Variants in NAPSA observed in about 807,000 individuals in gnomAD.
NAPSA encodes the protein napsin-A.
NAPSA carries 37 observed loss-of-function variants against 36.7 expected under a neutral mutation model. The ratio of observed to expected loss-of-function variants is 1.01; its 90% CI spans 0.78 to 1.33. The LOEUF is 1.33. Ranked by LOEUF, NAPSA falls within the 40% of genes most tolerant of loss-of-function variation. The pLI is 0.00. For missense variants in NAPSA, 532 were observed against 543.8 expected (o/e 0.98, Z 0.21); for synonymous variants, 222 against 234.5 (o/e 0.95, Z 0.49).
At chr19:50,360,226 A>G (rs2037454457) in intron 5 of NAPSA, among the ~76,000 whole-genome samples, 1 of 152,126 alleles carries the variant, frequency 6.6e-6, no homozygotes, top group Admixed American at 6.6e-5. Context: ...GAGTAGGAGA[A>G]GAGAATTTCT....
chr19:50,362,416 A>G (rs1311493074), intron 1 of NAPSA, 103 bp from the exon 2 acceptor site: 8 of 1,082,134 alleles, frequency 7.4e-6, no homozygotes, highest in Non-Finnish European at 1.0e-5. Flanking sequence ...TCTCCAAGGC[A>G]CTACAATAGT....
intron 3 of NAPSA, 91 bp downstream of exon 3, chr19:50,361,878 C>T: frequency 6.2e-7 from 1 of 1,601,710 alleles, no homozygotes; most frequent in Non-Finnish European, 8.5e-7. Context: ...GATAAAAGAA[C>T]AGTTCCTCAA....
Position 50,358,698 on chromosome 19 carries a change from A to C in NAPSA, c.1118T>G (p.Leu373Arg). The change falls in exon 9 of 9, where the codon CTC (leucine) becomes CGC (arginine). Residue 373 changes from leucine to arginine, a missense_variant. Around this residue, in one of 3 missense-constraint regions of NAPSA, gnomAD observed 385 missense variants for 371.5 expected, o/e 1.04. Coordinates refer to ENST00000253719, the MANE Select transcript of NAPSA (RefSeq NM_004851.3). ...ATACGTCCCCAAGAAGACGTCACCG[A>C]GGATCCAGAAGGGCCCTGCAGGCGG... Reference protein sequence around the residue: ...VPPPAGPFWILGDVFLGTYVA... With the variant: ...VPPPAGPFWIRGDVFLGTYVA... The C allele has an allele frequency of 1.2e-6, 2 of 1,613,474 alleles. No homozygotes were observed. The highest frequency in any genetic ancestry group is 8.5e-7 in the Non-Finnish European group (1 of 1,179,978).
upstream of NAPSA, among the ~76,000 whole-genome samples, chr19:50,367,644 C>T (rs2037566596): frequency 6.6e-6 from 1 of 152,010 alleles, no homozygotes; most frequent in African/African-American, 2.4e-5. Context: ...ACAAACACCC[C>T]ATGCCTACTA....
intron 8 of NAPSA, 65 bp downstream of exon 8, chr19:50,358,946 T>G: frequency 2.1e-6 from 3 of 1,456,068 alleles, no homozygotes; most frequent in Non-Finnish European, 1.9e-6. Context: ...TAGTGACGTC[T>G]CTCAGCTCTA....
upstream of NAPSA, chr19:50,365,698 C>T: frequency 8.0e-7 from 1 of 1,249,286 alleles, no homozygotes; most frequent in South Asian, 1.3e-5. Context: ...CTGTTCATGC[C>T]CCACCTCCAG....
At chr19:50,365,004 T>C (rs937852769) in intron 1 of NAPSA, among the ~76,000 whole-genome samples, 4 of 109,908 alleles carry the variant, frequency 3.6e-5, no homozygotes, top group Non-Finnish European at 7.1e-5. Flanking sequence ...ATAATAATAA[T>C]AATAATAAAT....
Position 50,358,561 on chromosome 19 carries a change from G to T in NAPSA, c.1255C>A (p.Pro419Thr), listed in dbSNP as rs775216686. The change falls in exon 9 of 9, where the codon CCC becomes ACC. Residue 419 changes from proline to threonine, a missense_variant. Physicochemically the swap from Pro to Thr is conservative, Grantham distance 38. Transcript: ENST00000253719. ...TGCGCTTCACTTGGGCGTCACCCGG[G>T]GAACTGCGCCTGCGCAGTCTCTCCC... is the stretch of plus-strand genomic sequence containing the variant. ...GWGETAQAQFPG is the reference protein window; with the variant it reads ...GWGETAQAQFTG The T allele has an allele frequency of 3.1e-6, 5 of 1,594,920 alleles. No individual in the cohort carries two copies. The African/African-American group carries it at 6.7e-5, about 21-fold the overall frequency.
intron 1 of NAPSA, among the ~76,000 whole-genome samples, chr19:50,363,287 G>C (rs2037501168): frequency 6.6e-6 from 1 of 152,182 alleles, no homozygotes; most frequent in Non-Finnish European, 1.5e-5. Context: ...CAAGAGAGGA[G>C]AAAAAGAGAG....
Position 50,360,552 on chromosome 19 carries a change from C to G in NAPSA, c.668+389G>C, listed in dbSNP as rs74512486. On this transcript the variant is annotated intron_variant, in intron 5 of 8. Coordinates refer to ENST00000253719, the MANE Select transcript of NAPSA (RefSeq NM_004851.3). ...CTGGATTAAATCGGGCAATTCCTGA[C>G]TTCTGGTCAGTGTTCTCAAATGGGA... is the stretch of plus-strand genomic sequence containing the variant. Among the ~76,000 whole-genome samples the G allele has an allele frequency of 4.5e-3, 690 of 152,266 alleles. 5 individuals are homozygous for G. The highest frequency in any genetic ancestry group is 0.014 in the African/African-American group (564 of 41,540).
intron 7 of NAPSA, 31 bp downstream of exon 7, chr19:50,359,472 C>T: frequency 6.2e-7 from 1 of 1,613,282 alleles, no homozygotes; most frequent in Non-Finnish European, 8.5e-7. Context: ...ATCAGCCTTC[C>T]CAGCCCGTAC....
chr19:50,365,117 C>T (rs1215162673), intron 1 of NAPSA, among the ~76,000 whole-genome samples: 8 of 151,672 alleles, frequency 5.3e-5, no homozygotes, highest in South Asian at 2.1e-4. Flanking sequence ...GAGCGGATCA[C>T]GAGGTCAGGG....
upstream of NAPSA, chr19:50,365,951 T>C (rs2037544653): frequency 4.5e-6 from 1 of 222,876 alleles, no homozygotes; most frequent in Admixed American, 5.6e-5. Context: ...ATAACTTTTC[T>C]GAGACTTATT....
chr19:50,361,612 A>T, intron 4 of NAPSA, 51 bp downstream of exon 4: 1 of 1,477,420 alleles, frequency 6.8e-7, no homozygotes, highest in South Asian at 1.1e-5. Context: ...ATGATCTTAG[A>T]CAATGGGGTT....
At chr19:50,367,776 T>C (rs1301417032), upstream of NAPSA, among the ~76,000 whole-genome samples, 4 of 152,150 alleles carry the variant, frequency 2.6e-5, no homozygotes, top group Non-Finnish European at 4.4e-5. Flanking sequence ...GCAGCCATGC[T>C]TGCATCCTTC....
chr19:50,362,360 C>T (rs201659069), intron 1 of NAPSA, 47 bp from the exon 2 acceptor site: 2 of 1,542,702 alleles, frequency 1.3e-6, no homozygotes, highest in African/African-American at 1.4e-5. Context: ...TCTTGGAGAA[C>T]CTCTAAATAG....
Position 50,358,647 on chromosome 19 carries a change from A to T in NAPSA, c.1169T>A (p.Met390Lys). 2 of 1,613,056 alleles carry T rather than the reference A, an allele frequency of 1.2e-6. No individual in the cohort carries two copies. The highest frequency in any genetic ancestry group is 1.7e-6 in the Non-Finnish European group (2 of 1,179,898). ...TYVAVFDRGD[M>K]KSSARVGLAR... ...CAGGCCCACCCGGGCGCTGCTCTTCATGTCCCCGCGGTCGAAGACGGCCAC... is the reference window on the plus strand; with the variant it reads ...CAGGCCCACCCGGGCGCTGCTCTTCTTGTCCCCGCGGTCGAAGACGGCCAC... Residue 390 changes from methionine (M) to lysine (K), a missense_variant, in exon 9 of 9, where the codon ATG becomes AAG. By Grantham distance (95) the Met-to-Lys change is moderately conservative (BLOSUM62 -1). This residue lies in a region of NAPSA where 385 missense variants were observed against 371.5 expected (regional missense o/e 1.04). Transcript: ENST00000253719.
chr19:50,366,175 GT>G (rs996632751), upstream of NAPSA, among the ~76,000 whole-genome samples: 2 of 150,250 alleles, frequency 1.3e-5, no homozygotes, highest in African/African-American at 2.4e-5. Flanking sequence ...GTTTGTTTTT[GT>G]TTTTGTTTTT....
In NAPSA at chr19:50,358,531, G is replaced by A. The variant is rs1257571457; in HGVS notation, c.*22C>T. The A allele has an allele frequency of 4.5e-6, 7 of 1,553,644 alleles. No individual in the cohort carries two copies. Among genetic ancestry groups the A allele is most frequent in the Non-Finnish European group, 6.1e-6 (7 of 1,148,526 alleles). On this transcript the variant is annotated 3_prime_UTR_variant, in exon 9 of 9. Transcript: ENST00000253719. ...AGCAGGACCTCCGCGACCACCCGCT[G>A]CGCATGCGCTTCACTTGGGCGTCAC...
Sources: gnomAD v4.1 joint callset for allele counts (sites outside exome capture counted in the v4.1 genomes callset) on GRCh38, gnomAD v4.1.1 for gene constraint, gnomAD v4.1.1 regional missense constraint, MANE v1.5 for transcripts, NCBI Gene and HGNC (gene_info 2026-07-23, HGNC 2026-07-21) for gene names.